The following FCHSD2 variants were observed in gnomAD, a reference collection of about 807,000 sequenced individuals.
The protein encoded by FCHSD2 is FCH and double SH3 domains 2.
A neutral mutation model predicts 108.1 loss-of-function variants in FCHSD2; 38 were observed. The ratio of observed to expected loss-of-function variants is 0.35; its 90% CI spans 0.27 to 0.46. FCHSD2 has a LOEUF of 0.46. FCHSD2 is among the 20% of genes least tolerant of loss of function. The pLI, the probability that FCHSD2 is intolerant of heterozygous loss-of-function variation, is 1.00. For synonymous variants in FCHSD2, 279 were observed against 314.7 expected (o/e 0.89, Z 1.20); for missense variants, 751 against 897.8 (o/e 0.84, Z 2.09).
At chr11:73,002,391 G>C (rs1294719757) in intron 4 of FCHSD2, among the ~76,000 whole-genome samples, 1 of 152,140 alleles carries the variant, frequency 6.6e-6, no homozygotes, top group Non-Finnish European at 1.5e-5. Context: ...CAGCATAAAA[G>C]CACTGATGAA....
intron 8 of FCHSD2, among the ~76,000 whole-genome samples, chr11:72,960,011 G>C (rs144987216): frequency 2.6e-5 from 4 of 152,080 alleles, no homozygotes; most frequent in Admixed American, 2.6e-4. Context: ...TATTAATATA[G>C]GGTATTAATC....
chr11:73,023,261 C>A (rs1797955407), intron 3 of FCHSD2, among the ~76,000 whole-genome samples: 1 of 151,912 alleles, frequency 6.6e-6, no homozygotes, highest in Non-Finnish European at 1.5e-5. Flanking sequence ...AGACAAGCTG[C>A]AGATTAGGAA....
intron 12 of FCHSD2, 26 bp from the exon 13 acceptor site, chr11:72,868,052 A>G: frequency 6.5e-7 from 1 of 1,544,320 alleles, no homozygotes; most frequent in African/African-American, 1.4e-5. Flanking sequence ...AATGGTCGGA[A>G]ATCAAGGCTT....
intron 9 of FCHSD2, among the ~76,000 whole-genome samples, chr11:72,914,114 A>C (rs1410990390): frequency 6.6e-6 from 1 of 152,130 alleles, no homozygotes; most frequent in Non-Finnish European, 1.5e-5. Flanking sequence ...TCCTGGGTTC[A>C]AGTGATTCTC....
intron 2 of FCHSD2, among the ~76,000 whole-genome samples, chr11:73,111,929 A>G (rs912819025): frequency 6.6e-6 from 1 of 152,176 alleles, no homozygotes; most frequent in Non-Finnish European, 1.5e-5. Context: ...GGTTGTTACT[A>G]TTTATATCAT....
intron 3 of FCHSD2, among the ~76,000 whole-genome samples, chr11:73,040,221 T>C (rs996085170): frequency 1.3e-5 from 2 of 152,190 alleles, no homozygotes; most frequent in African/African-American, 4.8e-5. Context: ...CAAAGACGAT[T>C]ATGCAAATGC....
At chr11:72,861,737 C>T (rs183244284) in intron 13 of FCHSD2, among the ~76,000 whole-genome samples, 1 of 152,198 alleles carries the variant, frequency 6.6e-6, no homozygotes. Flanking sequence ...CAAGACCAAC[C>T]TGACCGACAT....
At chr11:72,901,216 A>AC (rs565242262) in intron 10 of FCHSD2, among the ~76,000 whole-genome samples, 95 of 151,294 alleles carry the variant, frequency 6.3e-4, no homozygotes, top group East Asian at 5.1e-3. Context: ...ACATGGTGAG[A>AC]CCCCCCCATC....
chr11:72,931,947 T>G (rs1856202136), intron 8 of FCHSD2, among the ~76,000 whole-genome samples: 1 of 152,188 alleles, frequency 6.6e-6, no homozygotes, highest in South Asian at 2.1e-4. Context: ...CAGACTGACT[T>G]ATATTTTGAC....
At chr11:72,978,597 T>C (rs565320514) in intron 8 of FCHSD2, among the ~76,000 whole-genome samples, 1 of 152,142 alleles carries the variant, frequency 6.6e-6, no homozygotes, top group Non-Finnish European at 1.5e-5. Flanking sequence ...AGGGTCCCTG[T>C]GGGAGGTGAC....
intron 9 of FCHSD2, among the ~76,000 whole-genome samples, chr11:72,906,125 T>C (rs1855625508): frequency 6.6e-6 from 1 of 152,112 alleles, no homozygotes; most frequent in Non-Finnish European, 1.5e-5. Flanking sequence ...ATGATCGCCA[T>C]TCTGTTGTGA....
intron 9 of FCHSD2, 68 bp downstream of exon 9, chr11:72,921,760 C>G: frequency 7.5e-7 from 1 of 1,333,594 alleles, no homozygotes; most frequent in Non-Finnish European, 1.1e-6. Flanking sequence ...CCTTCATTTT[C>G]TTTGTATGCA....
At chr11:73,111,922 T>C (rs1294654790) in intron 2 of FCHSD2, among the ~76,000 whole-genome samples, 1 of 152,218 alleles carries the variant, frequency 6.6e-6, no homozygotes, top group Non-Finnish European at 1.5e-5. Context: ...AACTTTTGGT[T>C]GTTACTATTT....
At chr11:72,946,316 T>A (rs995941902) in intron 8 of FCHSD2, among the ~76,000 whole-genome samples, 2 of 148,112 alleles carry the variant, frequency 1.4e-5, no homozygotes, top group Admixed American at 7.0e-5. Flanking sequence ...AAACACCACA[T>A]GTTCTCACTC....
intron 3 of FCHSD2, among the ~76,000 whole-genome samples, chr11:73,055,071 T>G (rs1017774139): frequency 9.2e-5 from 14 of 152,148 alleles, no homozygotes; most frequent in Non-Finnish European, 2.9e-5. Context: ...TCATCCTACC[T>G]GGCGGTAGGC....
intron 2 of FCHSD2, among the ~76,000 whole-genome samples, chr11:73,089,799 C>T (rs1859910471): frequency 6.6e-6 from 1 of 152,000 alleles, no homozygotes; most frequent in Admixed American, 6.6e-5. Flanking sequence ...AAAACTTTGC[C>T]ATTAATCCAA....
intron 3 of FCHSD2, among the ~76,000 whole-genome samples, chr11:73,029,493 C>T (rs79469405): frequency 0.022 from 3,375 of 152,292 alleles, 128 homozygotes; most frequent in African/African-American, 0.075. Flanking sequence ...GGCCCATTGG[C>T]AGGCAGCCAT....
chr11:73,004,171 C>T (rs1337127004), intron 4 of FCHSD2, among the ~76,000 whole-genome samples: 1 of 142,320 alleles, frequency 7.0e-6, no homozygotes, highest in Non-Finnish European at 1.5e-5. Flanking sequence ...TGCCATTCTA[C>T]ATATCACATG....
chr11:72,931,096 A>AT (rs36117770), intron 8 of FCHSD2, among the ~76,000 whole-genome samples: 1 of 115,918 alleles, frequency 8.6e-6, no homozygotes. Flanking sequence ...CAATAATTAA[A>AT]TTTTTTTTTT....
Sources: gnomAD v4.1 joint callset for allele counts (sites outside exome capture counted in the v4.1 genomes callset) on GRCh38, gnomAD v4.1.1 for gene constraint, MANE v1.5 for transcripts, NCBI Gene and HGNC (gene_info 2026-07-23, HGNC 2026-07-21) for gene names.